The following ANKS1B variants were observed in gnomAD, a reference collection of about 807,000 sequenced individuals.
ANKS1B encodes ankyrin repeat and sterile alpha motif domain-containing protein 1B.
In ANKS1B, 36 loss-of-function variants were observed where a neutral mutation model predicts 148.3. The ratio of observed to expected loss-of-function variants is 0.24; its 90% confidence interval spans 0.19 to 0.32. ANKS1B has a LOEUF of 0.32. ANKS1B is among the 10% of genes least tolerant of loss of function. ANKS1B has a pLI of 1.00. For missense variants in ANKS1B, 1,157 were observed against 1,542.6 expected (o/e 0.75, Z 4.19); for synonymous variants, 542 against 560.8 (o/e 0.97, Z 0.47).
At chr12:99,092,016 G>A (rs749163861) in intron 15 of ANKS1B, among the ~76,000 whole-genome samples, 5 of 152,240 alleles carry the variant, frequency 3.3e-5, no homozygotes, top group South Asian at 2.1e-4. Flanking sequence ...TCACAGTACC[G>A]AAGCAACAAT....
chr12:99,427,418 T>C (rs1293216883), intron 11 of ANKS1B, among the ~76,000 whole-genome samples: 2 of 152,212 alleles, frequency 1.3e-5, no homozygotes, highest in African/African-American at 4.8e-5. Flanking sequence ...TTTCCCTGCC[T>C]GGAACATTCT....
intron 1 of ANKS1B, among the ~76,000 whole-genome samples, chr12:99,844,260 A>G (rs2086247368): frequency 6.6e-6 from 1 of 151,928 alleles, no homozygotes; most frequent in Non-Finnish European, 1.5e-5. Context: ...CCTATTTGTC[A>G]ATTTTTGCTT....
At chr12:99,331,252 G>A (rs185123701) in intron 12 of ANKS1B, among the ~76,000 whole-genome samples, 2 of 151,756 alleles carry the variant, frequency 1.3e-5, no homozygotes, top group Non-Finnish European at 2.9e-5. Flanking sequence ...TTTACTTAAC[G>A]TCCTAAAAAA....
At chr12:99,563,807 G>A (rs2097362032) in intron 9 of ANKS1B, among the ~76,000 whole-genome samples, 1 of 152,070 alleles carries the variant, frequency 6.6e-6, no homozygotes. Context: ...AATGAGGTAT[G>A]CCTGGATATC....
At position 98,805,483 on chromosome 12, in the gene ANKS1B, A is replaced by G. The variant is rs563974057; in HGVS notation, c.3141+2361T>C. On this transcript the variant is annotated intron_variant, in intron 20 of 26. Transcript: ENST00000683438. The stretch of plus-strand genomic sequence containing the variant: ...GTGTAACACATGTTTGCAACTGCCA[A>G]CTATAAATCTGTAGTCTGGGTGAGT... 2.7e-4 allele frequency among the ~76,000 whole-genome samples: 41 copies of G among 152,340 alleles called. No individual in the cohort carries two copies. The South Asian group carries it at 7.7e-3, about 28-fold the overall frequency.
At chr12:99,915,015 C>A (rs745409236) in intron 1 of ANKS1B, among the ~76,000 whole-genome samples, 1 of 152,014 alleles carries the variant, frequency 6.6e-6, no homozygotes, top group Non-Finnish European at 1.5e-5. Context: ...CACCTGAGAT[C>A]AGGAGTTCAA....
intron 10 of ANKS1B, among the ~76,000 whole-genome samples, chr12:99,460,206 C>T (rs1274289452): frequency 6.6e-6 from 1 of 152,056 alleles, no homozygotes; most frequent in Non-Finnish European, 1.5e-5. Flanking sequence ...GGATAATTGG[C>T]AAGCCACGTA....
chr12:98,884,838 T>A (rs970974855), intron 17 of ANKS1B, among the ~76,000 whole-genome samples: 1 of 151,818 alleles, frequency 6.6e-6, no homozygotes, highest in Non-Finnish European at 1.5e-5. Flanking sequence ...AACTATCTAT[T>A]TGGGGAGTCT....
intron 10 of ANKS1B, among the ~76,000 whole-genome samples, chr12:99,471,586 A>T (rs1443617992): frequency 6.6e-6 from 1 of 152,012 alleles, no homozygotes; most frequent in East Asian, 1.9e-4. Context: ...GAACTCACTG[A>T]TCAATGTGTC....
At chr12:98,970,309 T>TTC (rs1364842036) in intron 17 of ANKS1B, among the ~76,000 whole-genome samples, 1 of 152,210 alleles carries the variant, frequency 6.6e-6, no homozygotes, top group African/African-American at 2.4e-5. Flanking sequence ...CTTGATGTTG[T>TTC]TCTCTAGAAT....
chr12:99,571,645 G>C (rs1454501361), intron 9 of ANKS1B, among the ~76,000 whole-genome samples: 1 of 152,080 alleles, frequency 6.6e-6, no homozygotes, highest in Non-Finnish European at 1.5e-5. Context: ...ATTTGATCCA[G>C]AACATTGGGG....
At chr12:98,867,653 G>T (rs1167088309) in intron 17 of ANKS1B, among the ~76,000 whole-genome samples, 1 of 152,070 alleles carries the variant, frequency 6.6e-6, no homozygotes, top group Non-Finnish European at 1.5e-5. Flanking sequence ...GAGATCAGGA[G>T]ATCAAGACCA....
intron 14 of ANKS1B, among the ~76,000 whole-genome samples, chr12:99,219,983 C>A (rs556908590): frequency 6.6e-6 from 1 of 152,260 alleles, no homozygotes; most frequent in Non-Finnish European, 1.5e-5. Context: ...TATGAGCTCC[C>A]AAAATGGATA....
intron 12 of ANKS1B, among the ~76,000 whole-genome samples, chr12:99,259,916 T>C (rs1394166853): frequency 6.6e-6 from 1 of 152,208 alleles, no homozygotes. Context: ...GTATTTCCCA[T>C]AGCCTAGAGC....
chr12:99,597,521 A>C (rs960562834), intron 9 of ANKS1B, among the ~76,000 whole-genome samples: 1 of 152,084 alleles, frequency 6.6e-6, no homozygotes, highest in East Asian at 1.9e-4. Context: ...TTTTCTTTAA[A>C]GGACATTTGC....
At chr12:99,374,569 AT>A (rs2093306122) in intron 12 of ANKS1B, among the ~76,000 whole-genome samples, 1 of 152,180 alleles carries the variant, frequency 6.6e-6, no homozygotes, top group South Asian at 2.1e-4. Context: ...TCTTAAATGT[AT>A]GTATAGTTCA....
chr12:98,742,137 G>A (rs537038136), downstream of ANKS1B, among the ~76,000 whole-genome samples: 64 of 152,282 alleles, frequency 4.2e-4, no homozygotes, highest in African/African-American at 1.4e-3. Context: ...ATCTGTACTC[G>A]TGAAGTCTGT....
At chr12:99,395,624 G>C (rs1593893212) in intron 12 of ANKS1B, among the ~76,000 whole-genome samples, 1 of 152,016 alleles carries the variant, frequency 6.6e-6, no homozygotes, top group South Asian at 2.1e-4. Flanking sequence ...ATTAATACTA[G>C]AGTGAACTTT....
chr12:99,776,574 G>A (rs2063668849), intron 6 of ANKS1B, among the ~76,000 whole-genome samples: 1 of 152,152 alleles, frequency 6.6e-6, no homozygotes, highest in Non-Finnish European at 1.5e-5. Flanking sequence ...TGTTGAACCA[G>A]AGAACAAATG....
Sources: allele counts gnomAD v4.1 joint callset (sites outside exome capture counted in the v4.1 genomes callset), GRCh38; gene constraint gnomAD v4.1.1; transcripts MANE v1.5; gene names NCBI Gene and HGNC (gene_info 2026-07-23, HGNC 2026-07-21).